Variants in PGLYRP2 observed in about 807,000 individuals in gnomAD.
The protein encoded by PGLYRP2 is N-acetylmuramoyl-L-alanine amidase.
Under a neutral mutation model 46.2 loss-of-function variants are expected in PGLYRP2, and 38 were observed. The observed-to-expected ratio is 0.82, with a 90% CI of 0.64 to 1.08. The LOEUF (loss-of-function observed/expected upper bound fraction) is 1.08, where lower values mean the gene tolerates loss of function less well. Ranked by LOEUF, PGLYRP2 falls within the 50% of genes least tolerant of loss-of-function variation. PGLYRP2 has a pLI of 0.00. For synonymous variants in PGLYRP2, 289 were observed against 329.4 expected (o/e 0.88, Z 1.33); for missense variants, 713 against 755.9 (o/e 0.94, Z 0.67).
chr19:15,470,819 T>G (rs1037743919), intron 3 of PGLYRP2, among the ~76,000 whole-genome samples: 8 of 151,004 alleles, frequency 5.3e-5, no homozygotes, highest in Non-Finnish European at 1.0e-4. Context: ...TAATTTTGTA[T>G]TTTTAGTAGA....
At position 15,479,173 on chromosome 19, in the gene PGLYRP2, C is replaced by T. The variant is rs1394260010; in HGVS notation, c.61+138G>A. The T allele has an allele frequency of 3.5e-6, 3 of 869,028 alleles. No homozygotes were observed. The East Asian group carries it at 7.9e-5, about 23-fold the overall frequency. The allele number at this position is 869,028 out of a possible 1,614,324, so 53.8% of individuals were successfully genotyped here. ...CTTGACTCTGTGGAGCTGGGAATAT[C>T]TATGTCCCCATGCTGGAGCTTCTTT... is the stretch of plus-strand genomic sequence containing the variant. On this transcript the variant is annotated intron_variant, in intron 1 of 4. Coordinates refer to ENST00000340880, the MANE Select transcript of PGLYRP2 (RefSeq NM_052890.4).
Position 15,479,375 on chromosome 19 carries a change from T to TG in PGLYRP2, c.-5dup. 6.2e-7 allele frequency: 1 copy of TG among 1,613,882 alleles called. No homozygotes were observed. The highest frequency in any genetic ancestry group is 1.1e-5 in the South Asian group (1 of 91,040). ...TCCAGAGGACACCCTGGGCCATTGTTGCAGGATTCCAGCTTCCAAGGGGTA... is the reference window on the plus strand; with the variant it reads ...TCCAGAGGACACCCTGGGCCATTGTTGGCAGGATTCCAGCTTCCAAGGGGTA... On this transcript the variant is annotated 5_prime_UTR_variant, in exon 1 of 5. Coordinates refer to ENST00000340880, the MANE Select transcript of PGLYRP2 (RefSeq NM_052890.4).
In PGLYRP2 at chr19:15,469,241, T is replaced by G; in HGVS notation, c.1641+391A>C. On this transcript the variant is annotated intron_variant, in intron 4 of 4. Coordinates refer to ENST00000340880, the MANE Select transcript of PGLYRP2 (RefSeq NM_052890.4). This position sits in a 1 kb window ranked among gnomAD's most constrained non-coding sequence, Gnocchi z 4.9. ...GAGGTCAAGGTTCGGCGGGCCAGGATGAGGTGGTGCAGCCTGACAGGTTGT... is the reference window on the plus strand; with the variant it reads ...GAGGTCAAGGTTCGGCGGGCCAGGAGGAGGTGGTGCAGCCTGACAGGTTGT... The G allele has an allele frequency of 3.4e-6, 2 of 587,222 alleles. No individual in the cohort carries two copies. The highest frequency in any genetic ancestry group is 6.1e-6 in the Non-Finnish European group (2 of 329,040). 36.4% of individuals were successfully genotyped at this position (587,222 alleles called of 1,614,324 possible).
intron 3 of PGLYRP2, 89 bp from the exon 4 acceptor site, chr19:15,470,018 C>G: frequency 7.8e-7 from 1 of 1,281,028 alleles, no homozygotes; most frequent in Non-Finnish European, 1.0e-6. Flanking sequence ...GTTGGTGTGC[C>G]AAGGGCCACC....
intron 2 of PGLYRP2, among the ~76,000 whole-genome samples, chr19:15,474,899 A>C (rs992846672): frequency 6.6e-6 from 1 of 151,926 alleles, no homozygotes; most frequent in Non-Finnish European, 1.5e-5. Context: ...AGACAGGAGA[A>C]TTGCTTGAAC....
At chr19:15,476,765 A>ATTGCCT (rs111981820) in intron 1 of PGLYRP2, among the ~76,000 whole-genome samples, 157 bp from the exon 2 acceptor site, 5,680 of 152,074 alleles carry the variant, frequency 0.037, 349 homozygotes, top group African/African-American at 0.13. Context: ...TACACAGACT[A>ATTGCCT]TTGCCTGTTG....
At chr19:15,470,060 T>C in intron 3 of PGLYRP2, 131 bp from the exon 4 acceptor site, 2 of 957,674 alleles carry the variant, frequency 2.1e-6, no homozygotes, top group East Asian at 3.3e-5. Context: ...GCGCTGCCTG[T>C]GTCCCATCCA....
At chr19:15,472,764 C>G (rs1485979753) in intron 2 of PGLYRP2, among the ~76,000 whole-genome samples, 1 of 152,118 alleles carries the variant, frequency 6.6e-6, no homozygotes, top group Non-Finnish European at 1.5e-5. Flanking sequence ...TTTCCCAAAG[C>G]AATCTACAGA....
At chr19:15,478,633 T>G (rs1215110379) in intron 1 of PGLYRP2, among the ~76,000 whole-genome samples, 3 of 149,980 alleles carry the variant, frequency 2.0e-5, no homozygotes, top group Admixed American at 1.3e-4. Flanking sequence ...TGCCTTTGTT[T>G]TTTTTTTTTT....
chr19:15,470,574 T>C (rs1012417151), intron 3 of PGLYRP2, among the ~76,000 whole-genome samples: 6 of 151,822 alleles, frequency 4.0e-5, no homozygotes, highest in African/African-American at 1.5e-4. Flanking sequence ...CCCAAAGTGC[T>C]GGGATTACAG....
At chr19:15,472,811 T>G (rs891602807) in intron 2 of PGLYRP2, among the ~76,000 whole-genome samples, 2 of 152,164 alleles carry the variant, frequency 1.3e-5, no homozygotes, top group South Asian at 4.1e-4. Flanking sequence ...AAAGTCATTT[T>G]TCACAGAATT....
Position 15,477,707 on chromosome 19 carries a change from T to TAAAATA in PGLYRP2, c.62-1100_62-1099insTATTTT, listed in dbSNP as rs71333375. Among the ~76,000 whole-genome samples the TAAAATA allele has an allele frequency of 1.0e-4, 8 of 76,946 alleles. No homozygotes were observed. The East Asian group carries it at 3.3e-3, about 32-fold the overall frequency. 50.5% of individuals were successfully genotyped at this position (76,946 alleles called of 152,430 possible). ...AGTGAGACTCCATCATAAAATAAAA[T>TAAAATA]AAATAAAATAAAATTAAATTAAAAT... On this transcript the variant is annotated intron_variant, in intron 1 of 4. Coordinates refer to ENST00000340880, the MANE Select transcript of PGLYRP2 (RefSeq NM_052890.4).
At chr19:15,471,240 G>C (rs1362324853) in intron 3 of PGLYRP2, among the ~76,000 whole-genome samples, 1 of 149,212 alleles carries the variant, frequency 6.7e-6, no homozygotes. Flanking sequence ...AGCCTCCCAA[G>C]TAGCTGGGAC....
chr19:15,472,174 A>C, intron 2 of PGLYRP2, 74 bp from the exon 3 acceptor site: 1 of 1,260,886 alleles, frequency 7.9e-7, no homozygotes, highest in Non-Finnish European at 1.1e-6. Context: ...ATTAAAGCGC[A>C]CATACAGACC....
rs910595946 is a variant in PGLYRP2, at chr19:15,469,091, G to A, written c.1642-339C>T. On this transcript the variant is annotated intron_variant, in intron 4 of 4. Transcript: ENST00000340880. This position sits in a 1 kb window ranked among gnomAD's most constrained non-coding sequence, Gnocchi z 4.9. Reference sequence around the variant, plus strand: ...CAGGGACGAAACAAGCAACCTCAGAGTTGAGATTGTCTGGACAGAGAATTG... The same window carrying A: ...CAGGGACGAAACAAGCAACCTCAGAATTGAGATTGTCTGGACAGAGAATTG... The A allele has an allele frequency of 2.3e-5, 12 of 525,596 alleles. No individual in the cohort carries two copies. In the East Asian group the frequency reaches 2.5e-4, roughly 11 times the overall value. The allele number at this position is 525,596 out of a possible 1,614,324, so 32.6% of individuals were successfully genotyped here.
chr19:15,479,292 ACT>A lies in PGLYRP2; in HGVS notation c.61+17_61+18del. 5.0e-6 allele frequency: 8 copies of A among 1,613,578 alleles called. No individual in the cohort carries two copies. The highest frequency in any genetic ancestry group is 6.8e-6 in the Non-Finnish European group (8 of 1,179,754). On this transcript the variant is annotated intron_variant, in intron 1 of 4. Transcript: ENST00000340880. ...CAGAGCCAAGAGGTTTGGTCCCAGG[ACT>A]CTGCCCCCTGACTCACCTGTCCCTG...
At chr19:15,475,509 G>A in intron 2 of PGLYRP2, 29 bp downstream of exon 2, 1 of 1,544,282 alleles carries the variant, frequency 6.5e-7, no homozygotes, top group Non-Finnish European at 8.8e-7. Context: ...GTAATGGGAA[G>A]GATCACAGGG....
intron 1 of PGLYRP2, among the ~76,000 whole-genome samples, chr19:15,479,023 T>C (rs1970822610): frequency 6.6e-6 from 1 of 152,192 alleles, no homozygotes; most frequent in Non-Finnish European, 1.5e-5. Context: ...CTGCAAAAAA[T>C]GCCCTTTCTG....
Position 15,476,420 on chromosome 19 carries a change from A to C in PGLYRP2, c.250T>G (p.Cys84Gly), listed in dbSNP as rs1217130940. ...CCTAACAGCTCTGGGCTTAGTGGGC[A>C]GGGATCCAACTCTGTAGCATTGAGG... ...WSLNATELDP[C>G]PLSPELLGLT... Residue 84 changes from cysteine to glycine, a missense_variant, in exon 2 of 5, where the codon TGC (cysteine) becomes GGC (glycine). Transcript: ENST00000340880. 1.2e-6 allele frequency: 2 copies of C among 1,614,100 alleles called. No homozygotes were observed. Among genetic ancestry groups the C allele is most frequent in the Non-Finnish European group, 1.7e-6 (2 of 1,179,998 alleles).
Sources: allele counts gnomAD v4.1 joint callset (sites outside exome capture counted in the v4.1 genomes callset), GRCh38; gene constraint gnomAD v4.1.1; non-coding constraint Gnocchi (gnomAD v3.1); transcripts MANE v1.5; gene names NCBI Gene and HGNC (gene_info 2026-07-23, HGNC 2026-07-21).